USP45: variants seen among roughly 807,000 people sequenced by gnomAD.
The protein encoded by USP45 is ubiquitin specific peptidase 45.
A neutral mutation model predicts 95.8 loss-of-function variants in USP45; 89 were observed. That is an observed-to-expected ratio of 0.93 (90% CI 0.78 to 1.11). The LOEUF (loss-of-function observed/expected upper bound fraction) is 1.11. USP45 is among the 50% of genes least tolerant of loss of function. The pLI is 0.00. For synonymous variants in USP45, 281 were observed against 316.2 expected, an observed-to-expected ratio of 0.89 and a Z score of 1.18; for missense variants, 898 against 942.5, an observed-to-expected ratio of 0.95 and a Z score of 0.62.
At chr6:99,463,966 T>G (rs965972594) in intron 13 of USP45, among the ~76,000 whole-genome samples, 4 of 152,146 alleles carry the variant, frequency 2.6e-5, no homozygotes, top group African/African-American at 9.7e-5. Flanking sequence ...AATGAATTAA[T>G]ATTTTTGATA....
chr6:99,446,391 C>A lies in USP45; in HGVS notation c.1381G>T (p.Glu461Ter), dbSNP rs756162492. Residue 461 changes from glutamate (E) to a stop codon, truncating the protein, a stop_gained, in exon 14 of 18, where the codon GAA becomes TAA. Transcript: ENST00000500704. LOFTEE classifies it high-confidence loss of function. The stretch of plus-strand genomic sequence containing the variant: ...GAATCCCCATTCATTTCAAGGTTTT[C>A]ATTTTTCTGGTATGTGACAGTTTCT... ...SGETVTYQKN[E>*]NLEMNGDSLM... is the part of the protein sequence containing the mutation. 8.7e-6 allele frequency: 14 copies of A among 1,613,998 alleles called. No homozygotes were observed. In the South Asian group the frequency reaches 1.2e-4, roughly 14 times the overall value.
intron 2 of USP45, among the ~76,000 whole-genome samples, chr6:99,509,130 AG>A (rs1799190399): frequency 6.6e-6 from 1 of 152,212 alleles, no homozygotes; most frequent in Non-Finnish European, 1.5e-5. Context: ...ATGTTTCGAT[AG>A]CCAGTTTGCT....
In USP45 at chr6:99,460,997, T is replaced by G; in HGVS notation, c.1308+3607A>C. ...AAGAGCCGAGTCTCAAAGAGCTTAA[T>G]TGGCAAAACGCTGCGCAGCTAACAG... is the stretch of plus-strand genomic sequence containing the variant. On this transcript the variant is annotated intron_variant, in intron 13 of 17. Transcript: ENST00000500704. 3.0e-6 allele frequency: 3 copies of G among 985,370 alleles called. No individual in the cohort carries two copies. In the South Asian group the frequency reaches 1.4e-4, roughly 46 times the overall value. The allele number at this position is 985,370 out of a possible 1,614,324, so 61.0% of individuals were successfully genotyped here. A position where few individuals can be genotyped will look rare whatever the true frequency, so the allele number is the denominator to read the frequency against.
chr6:99,511,612 G>T (rs906653172), intron 1 of USP45, among the ~76,000 whole-genome samples: 75 of 151,874 alleles, frequency 4.9e-4, no homozygotes, highest in Admixed American at 3.7e-3. Context: ...ACAATGCCCA[G>T]ATAATTTTTT....
intron 8 of USP45, among the ~76,000 whole-genome samples, chr6:99,481,722 T>G (rs1792477047): frequency 6.6e-6 from 1 of 152,216 alleles, no homozygotes; most frequent in Non-Finnish European, 1.5e-5. Flanking sequence ...TTTATGTCCA[T>G]GAGTACCCAA....
chr6:99,466,473 T>G lies in USP45; in HGVS notation c.1107+199A>C, dbSNP rs140426542. Among the ~76,000 whole-genome samples the G allele has an allele frequency of 1.7e-3, 263 of 152,330 alleles. 1 individual carries two copies. Among genetic ancestry groups the G allele is most frequent in the African/African-American group, 6.1e-3 (253 of 41,570 alleles). On this transcript the variant is annotated intron_variant, in intron 11 of 17. Coordinates refer to ENST00000500704, the MANE Select transcript of USP45 (RefSeq NM_001346022.3). ...GTCATGAGGAAAAATAACACAAAAA[T>G]ACATTTACTTTTAAAAATATATAAA... is the stretch of plus-strand genomic sequence containing the variant.
chr6:99,514,184 C>T (rs1254761684), intron 1 of USP45, among the ~76,000 whole-genome samples: 1 of 152,146 alleles, frequency 6.6e-6, no homozygotes, highest in Non-Finnish European at 1.5e-5. Flanking sequence ...TATAAAGGCT[C>T]ATCATAATAG....
At chr6:99,437,893 G>A (rs1354401553) in intron 16 of USP45, among the ~76,000 whole-genome samples, 1 of 152,134 alleles carries the variant, frequency 6.6e-6, no homozygotes, top group African/African-American at 2.4e-5. Context: ...CTTGACCTCA[G>A]GTGATCCACC....
At chr6:99,469,445 A>ATATATATATATAATTAATATATATATAAT (rs36148167) in intron 9 of USP45, among the ~76,000 whole-genome samples, 1 of 145,786 alleles carries the variant, frequency 6.9e-6, no homozygotes, top group Non-Finnish European at 1.5e-5. Flanking sequence ...CTTTCCAAAA[A>ATATATATATATAATTAATATATATATAAT]ATATATATAT....
intron 7 of USP45, 91 bp from the exon 8 acceptor site, chr6:99,482,974 C>T (rs930364382): frequency 2.7e-6 from 3 of 1,122,728 alleles, no homozygotes; most frequent in South Asian, 3.6e-5. Flanking sequence ...TTAAATAACA[C>T]CAACTAAATT....
chr6:99,455,159 G>A (rs1784774107), intron 13 of USP45, among the ~76,000 whole-genome samples: 1 of 150,876 alleles, frequency 6.6e-6, no homozygotes, highest in Non-Finnish European at 1.5e-5. Context: ...AACTAAAATA[G>A]GGCTGGGTGC....
intron 5 of USP45, among the ~76,000 whole-genome samples, chr6:99,501,584 G>T (rs989426463): frequency 6.6e-6 from 1 of 151,996 alleles, no homozygotes; most frequent in Non-Finnish European, 1.5e-5. Flanking sequence ...TTTTTTGCTT[G>T]TTGCTCCCAC....
At chr6:99,468,709 C>A (rs1366218275) in intron 9 of USP45, 91 bp from the exon 10 acceptor site, 7 of 739,750 alleles carry the variant, frequency 9.5e-6, no homozygotes, top group Non-Finnish European at 1.3e-5. Context: ...GCAAGGTACA[C>A]TGTGGATTTC....
At chr6:99,461,824 A>G (rs886429522) in intron 13 of USP45, 2 of 983,234 alleles carry the variant, frequency 2.0e-6, no homozygotes, top group South Asian at 9.4e-5. Flanking sequence ...GTTTGTCACA[A>G]ATATCTTTAT....
intron 9 of USP45, among the ~76,000 whole-genome samples, chr6:99,475,515 C>G (rs1177838305): frequency 1.3e-5 from 2 of 151,952 alleles, no homozygotes; most frequent in African/African-American, 2.4e-5. Context: ...AGGGTTTCAG[C>G]ATGTTTCCCA....
intron 13 of USP45, among the ~76,000 whole-genome samples, chr6:99,452,165 C>T (rs1284477239): frequency 6.6e-6 from 1 of 152,102 alleles, no homozygotes; most frequent in African/African-American, 2.4e-5. Flanking sequence ...GCAACAAAAG[C>T]CAAAATTGAC....
In USP45 at chr6:99,434,063, T is replaced by A. The variant is rs1041590221; in HGVS notation, c.*1653A>T. ...TACCTTTTACAGAACACAGCCTGACTTTGCAGATTAACTTAAAGATATATT... is the reference window on the plus strand; with the variant it reads ...TACCTTTTACAGAACACAGCCTGACATTGCAGATTAACTTAAAGATATATT... On this transcript the variant is annotated 3_prime_UTR_variant, in exon 18 of 18. Coordinates refer to ENST00000500704, the MANE Select transcript of USP45 (RefSeq NM_001346022.3). The A allele has an allele frequency of 1.4e-4, 22 of 152,186 alleles. No individual in the cohort carries two copies. Among genetic ancestry groups the A allele is most frequent in the African/African-American group, 5.3e-4 (22 of 41,450 alleles). 9.4% of individuals were successfully genotyped at this position (152,186 alleles called of 1,614,324 possible). A position where few individuals can be genotyped will look rare whatever the true frequency, so the allele number is the denominator to read the frequency against.
At chr6:99,506,509 A>G (rs191157935) in intron 4 of USP45, among the ~76,000 whole-genome samples, 1 of 152,226 alleles carries the variant, frequency 6.6e-6, no homozygotes, top group East Asian at 1.9e-4. Flanking sequence ...GGGTTTCACC[A>G]TATTGGCCAG....
intron 4 of USP45, among the ~76,000 whole-genome samples, chr6:99,507,073 G>A (rs943554922): frequency 2.0e-5 from 3 of 152,110 alleles, no homozygotes; most frequent in Admixed American, 6.5e-5. Context: ...CAGGCATGGC[G>A]GCATGCGCCT....
Sources: allele counts gnomAD v4.1 joint callset (sites outside exome capture counted in the v4.1 genomes callset), GRCh38; gene constraint gnomAD v4.1.1; transcripts MANE v1.5; gene names NCBI Gene and HGNC (gene_info 2026-07-23, HGNC 2026-07-21).